Variants in GMDS observed in about 807,000 individuals in gnomAD.
GMDS encodes the protein GDP-mannose 4,6 dehydratase.
Under a neutral mutation model 49.9 loss-of-function variants are expected in GMDS, and 20 were observed. That is an observed-to-expected ratio of 0.40 (90% CI 0.28 to 0.58). The LOEUF (loss-of-function observed/expected upper bound fraction) is 0.58. Among genes scored for constraint, GMDS ranks in the 20% least tolerant of loss-of-function variants. The probability of loss-of-function intolerance (pLI) is 0.42; values close to 1 mark genes in which losing one functional copy is unlikely to be tolerated. For synonymous variants in GMDS, 177 were observed against 178.6 expected (o/e 0.99, Z 0.07); for missense variants, 362 against 481.4 (o/e 0.75, Z 2.32).
In GMDS at chr6:1,781,642, T is replaced by C. The variant is rs1322076830; in HGVS notation, c.772-39056A>G. ...GGTGATGGCTCTTCCACACATGGCC[T>C]TAAGCCCTCTGAATTGTCAGCCGGG... is the stretch of plus-strand genomic sequence containing the variant. On this transcript the variant is annotated intron_variant, in intron 7 of 10. Transcript: ENST00000380815. Among the ~76,000 whole-genome samples the C allele has an allele frequency of 4.0e-5, 6 of 151,890 alleles. No homozygotes were observed. In the East Asian group the frequency reaches 1.2e-3, roughly 29 times the overall value.
chr6:2,144,905 G>A (rs544422512), intron 1 of GMDS, among the ~76,000 whole-genome samples: 162 of 152,234 alleles, frequency 1.1e-3, no homozygotes, highest in African/African-American at 3.8e-3. Context: ...AGCACTCAAA[G>A]CACATCAACA....
In GMDS at chr6:2,049,504, T is replaced by C. The variant is rs6596869; in HGVS notation, c.345+66267A>G. ...GAATAATCTCCCCCAACACAAATGT[T>C]CATGTTCTAGTCCTCAGAACCTGTG... On this transcript the variant is annotated intron_variant, in intron 4 of 10. Transcript: ENST00000380815. Among the ~76,000 whole-genome samples the C allele has an allele frequency of 6.5e-3, 991 of 152,296 alleles. 11 individuals are homozygous for C. Among genetic ancestry groups the C allele is most frequent in the African/African-American group, 0.021 (878 of 41,562 alleles).
At chr6:1,624,693 G>A in intron 9 of GMDS, 153 bp from the exon 10 acceptor site, 2 of 619,566 alleles carry the variant, frequency 3.2e-6, no homozygotes, top group Non-Finnish European at 5.8e-6. Flanking sequence ...GCGTTCAGTT[G>A]CGGCTCTCGG....
At chr6:1,788,635 C>G (rs1234511852) in intron 7 of GMDS, among the ~76,000 whole-genome samples, 1 of 152,202 alleles carries the variant, frequency 6.6e-6, no homozygotes, top group Non-Finnish European at 1.5e-5. Context: ...TCACAAACCT[C>G]TAATTTAGGG....
At chr6:2,212,999 T>C (rs1239136163) in intron 1 of GMDS, among the ~76,000 whole-genome samples, 1 of 152,208 alleles carries the variant, frequency 6.6e-6, no homozygotes, top group East Asian at 1.9e-4. Context: ...TTACTCCCTT[T>C]CTAGGTGGCT....
chr6:2,185,900 TCC>T (rs1467042568), intron 1 of GMDS, among the ~76,000 whole-genome samples: 1 of 151,936 alleles, frequency 6.6e-6, no homozygotes. Flanking sequence ...ACTCATTATC[TCC>T]CCCAAAACTC....
At chr6:2,137,548 G>A (rs1338422830) in intron 1 of GMDS, among the ~76,000 whole-genome samples, 2 of 152,032 alleles carry the variant, frequency 1.3e-5, no homozygotes, top group African/African-American at 4.8e-5. Flanking sequence ...TGGTCAGGCT[G>A]GTCTCAAACT....
intron 1 of GMDS, among the ~76,000 whole-genome samples, chr6:2,239,272 T>C (rs1466039493): frequency 6.7e-6 from 1 of 148,186 alleles, no homozygotes; most frequent in Non-Finnish European, 1.5e-5. Flanking sequence ...GATGTTGCAG[T>C]GAGTGAGATC....
intron 4 of GMDS, among the ~76,000 whole-genome samples, chr6:2,081,206 G>A (rs369681553): frequency 6.7e-6 from 1 of 149,218 alleles, no homozygotes; most frequent in Non-Finnish European, 1.5e-5. Flanking sequence ...TTCTGTGGTG[G>A]AAAAAAAAAC....
intron 4 of GMDS, among the ~76,000 whole-genome samples, chr6:1,982,053 C>T (rs1262056543): frequency 6.6e-6 from 1 of 152,138 alleles, no homozygotes; most frequent in Admixed American, 6.5e-5. Flanking sequence ...ACCTGTAATC[C>T]AGGCACTTTG....
At chr6:2,106,825 T>C (rs1774267832) in intron 4 of GMDS, among the ~76,000 whole-genome samples, 1 of 149,760 alleles carries the variant, frequency 6.7e-6, no homozygotes, top group East Asian at 1.9e-4. Flanking sequence ...ATGGTGCCAC[T>C]GCACTCCAGC....
At chr6:2,129,502 C>T (rs534417076) in intron 1 of GMDS, among the ~76,000 whole-genome samples, 20 of 152,264 alleles carry the variant, frequency 1.3e-4, no homozygotes, top group African/African-American at 4.1e-4. Context: ...GAACAGGATA[C>T]GGTCATGGTA....
chr6:1,878,661 C>A (rs1402767080), intron 7 of GMDS, among the ~76,000 whole-genome samples: 4 of 151,830 alleles, frequency 2.6e-5, no homozygotes, highest in Non-Finnish European at 5.9e-5. Flanking sequence ...TACCTGACAG[C>A]AATTATTTAA....
At chr6:1,784,709 T>C in intron 7 of GMDS, among the ~76,000 whole-genome samples, 1 of 152,186 alleles carries the variant, frequency 6.6e-6, no homozygotes, top group East Asian at 1.9e-4. Flanking sequence ...AAAACCATTT[T>C]CCCATGCTTC....
chr6:1,643,895 C>A (rs1444883891), intron 9 of GMDS, among the ~76,000 whole-genome samples: 1 of 152,130 alleles, frequency 6.6e-6, no homozygotes, highest in African/African-American at 2.4e-5. Context: ...TTTTAAAAAC[C>A]CTGAGAGGAA....
chr6:1,911,377 C>T (rs1761045000), intron 7 of GMDS, among the ~76,000 whole-genome samples: 1 of 152,148 alleles, frequency 6.6e-6, no homozygotes, highest in African/African-American at 2.4e-5. Flanking sequence ...AGTGTACCCT[C>T]TGGGTTTGGG....
intron 4 of GMDS, among the ~76,000 whole-genome samples, chr6:2,092,842 A>G (rs1414093342): frequency 6.6e-6 from 1 of 152,248 alleles, no homozygotes; most frequent in East Asian, 1.9e-4. Context: ...TGGACATTTT[A>G]GATATCCAAA....
chr6:1,882,732 G>C (rs188418095), intron 7 of GMDS, among the ~76,000 whole-genome samples: 12 of 152,180 alleles, frequency 7.9e-5, no homozygotes, highest in Non-Finnish European at 1.3e-4. Context: ...GCCACAGACA[G>C]GATATTTAAA....
intron 1 of GMDS, among the ~76,000 whole-genome samples, chr6:2,126,961 T>G (rs145102749): frequency 2.2e-4 from 34 of 152,342 alleles, no homozygotes; most frequent in Non-Finnish European, 3.4e-4. Context: ...TCTTCTGACT[T>G]CTTGAGGTAA....
Sources: gnomAD v4.1 joint callset for allele counts (sites outside exome capture counted in the v4.1 genomes callset) on GRCh38, gnomAD v4.1.1 for gene constraint, MANE v1.5 for transcripts, NCBI Gene and HGNC (gene_info 2026-07-23, HGNC 2026-07-21) for gene names.